The following TTN variants were observed in gnomAD, a reference collection of about 807,000 sequenced individuals.
The protein encoded by TTN is titin, also known as connectin.
In TTN, 1,525 loss-of-function variants were observed where a neutral mutation model predicts 3,223.0. The ratio of observed to expected loss-of-function variants is 0.47; its 90% confidence interval spans 0.45 to 0.49. The LOEUF (loss-of-function observed/expected upper bound fraction) is 0.49, where lower values mean the gene tolerates loss of function less well. TTN is among the 20% of genes least tolerant of loss of function. The pLI, the probability that TTN is intolerant of heterozygous loss-of-function variation, is 0.00. For synonymous variants in TTN, 14,094 were observed against 15,161.0 expected, an observed-to-expected ratio of 0.93 and a Z score of 5.17; for missense variants, 40,786 against 43,424.0, an observed-to-expected ratio of 0.94 and a Z score of 5.40.
Position 178,549,073 on chromosome 2 carries a change from C to T in TTN, c.92553G>A (p.Met30851Ile), listed in dbSNP as rs1233656896. 1 of 1,613,880 alleles carries T rather than the reference C, an allele frequency of 6.2e-7. No homozygotes were observed. The highest frequency in any genetic ancestry group is 2.2e-5 in the East Asian group (1 of 44,858). The change falls in exon 339 of 363, where the codon ATG becomes ATA. Residue 30851 changes from methionine to isoleucine, a missense_variant. Coordinates refer to ENST00000589042, the MANE Select transcript of TTN (RefSeq NM_001267550.2). ...EWSKPVFDGG[M>I]EIIGYIIEMC... ...TTTCAATAATATACCCAATTATTTC[C>T]ATGCCACCATCAAACACTGGTTTGG...
At chr2:178,719,887 T>C in intron 81 of TTN, 55 bp from the exon 82 acceptor site, 10 of 1,556,224 alleles carry the variant, frequency 6.4e-6, no homozygotes, top group African/African-American at 1.4e-5. Flanking sequence ...AACTCAAGAG[T>C]GCAATCACTG....
rs2091293716 is a variant in TTN, at chr2:178,770,429, G to A, written c.8363C>T (p.Ala2788Val). ...CAACTTACTCTCCACGTGCAGTCTG[G>A]CACTGGCTCCAAGCCTTCCAAGCCT... is the stretch of plus-strand genomic sequence containing the variant. ...GFRLGRLGAS[A>V]RLHVETVKII... The change falls in exon 35 of 363, where the codon GCC becomes GTC. Residue 2788 changes from alanine (A) to valine (V), a missense_variant. Coordinates refer to ENST00000589042, the MANE Select transcript of TTN (RefSeq NM_001267550.2). 1.2e-6 allele frequency: 2 copies of A among 1,614,132 alleles called. No homozygotes were observed. Among genetic ancestry groups the A allele is most frequent in the South Asian group, 2.2e-5 (2 of 91,086 alleles).
At position 178,560,016 on chromosome 2, in the gene TTN, G is replaced by T; in HGVS notation, c.86116C>A (p.Arg28706=). ...TDWKTSIQSL[R]GTEYTISGLT... ...CCGCTTATTGTATATTCTGTCCCTC[G>T]TAAGCTCTGAATGGAAGTTTTCCAG... The change falls in exon 326 of 363, where the codon CGA becomes AGA. Residue 28706 remains arginine (R), a synonymous_variant. Transcript: ENST00000589042. 1 of 1,613,636 alleles carries T rather than the reference G, an allele frequency of 6.2e-7. No homozygotes were observed. Among genetic ancestry groups the T allele is most frequent in the Non-Finnish European group, 8.5e-7 (1 of 1,179,790 alleles).
Position 178,589,505 on chromosome 2 carries a change from C to A in TTN, c.62220G>T (p.Glu20740Asp), listed in dbSNP as rs766362512. The change falls in exon 304 of 363, where the codon GAG becomes GAT. Residue 20740 changes from glutamate to aspartate, a missense_variant. Glu to Asp is a conservative substitution (Grantham distance 45, BLOSUM62 2). Coordinates refer to ENST00000589042, the MANE Select transcript of TTN (RefSeq NM_001267550.2). ...VDRCVENQIY[E>D]FRVQTKNEGG... ...CTTCATTCTTTGTTTGCACTCTGAA[C>A]TCATAAATCTGGTTTTCAACACATC... is the stretch of plus-strand genomic sequence containing the variant. 6.2e-7 allele frequency: 1 copy of A among 1,613,436 alleles called. No homozygotes were observed. The highest frequency in any genetic ancestry group is 1.7e-5 in the Admixed American group (1 of 59,966).
rs938587020 is a variant in TTN, at chr2:178,570,630, T to G, written c.75502A>C (p.Ser25168Arg). 3 of 1,613,534 alleles carry G rather than the reference T, an allele frequency of 1.9e-6. No homozygotes were observed. Reference sequence around the variant, plus strand: ...CGTACTGCATCTTTTACACTGAGACTGGTGGCAAAGTCGGTGCTCTTTATT... The same window carrying G: ...CGTACTGCATCTTTTACACTGAGACGGGTGGCAAAGTCGGTGCTCTTTATT... ...LEIKSTDFAT[S>R]LSVKDAVRVD... Residue 25168 changes from serine to arginine, a missense_variant, in exon 326 of 363, where the codon AGT becomes CGT. Ser to Arg is a moderately radical substitution (Grantham distance 110, BLOSUM62 -1). Coordinates refer to ENST00000589042, the MANE Select transcript of TTN (RefSeq NM_001267550.2).
rs778444893 is a variant in TTN, at chr2:178,560,323, T to A, written c.85809A>T (p.Lys28603Asn). 1 of 1,613,778 alleles carries A rather than the reference T, an allele frequency of 6.2e-7. No homozygotes were observed. The highest frequency in any genetic ancestry group is 1.7e-4 in the Middle Eastern group (1 of 6,060). Residue 28603 changes from lysine (K) to asparagine (N), a missense_variant, in exon 326 of 363, where the codon AAA (lysine) becomes AAT (asparagine). Transcript: ENST00000589042. Reference protein sequence around the residue: ...NSLRWVRVNKKPVYDLRVKST... With the variant: ...NSLRWVRVNKNPVYDLRVKST... ...ATTTCACTCTTAGATCATAAACTGG[T>A]TTTTTGTTTACACGCACCCATCTTA...
rs200190671 is a variant in TTN at position 178,652,621 on chromosome 2, A to G, written c.39043+32T>C. On this transcript the variant is annotated intron_variant, in intron 201 of 362. Transcript: ENST00000589042. ...ATATTTTCAAGAGTAGAAGAGATAG[A>G]TCTTCTGACGCTTAAACTCAATGAC... 1.7e-3 allele frequency: 2,792 copies of G among 1,612,572 alleles called. 64 individuals are homozygous for G. In the South Asian group the frequency reaches 0.027, roughly 16 times the overall value.
rs780554316 is a variant in TTN at position 178,543,262 on chromosome 2, A to G, written c.96711T>C (p.Tyr32237=). 3.7e-6 allele frequency: 6 copies of G among 1,613,810 alleles called. No homozygotes were observed. In the South Asian group the frequency reaches 6.6e-5, roughly 18 times the overall value. The stretch of plus-strand genomic sequence containing the variant: ...TGCCAGCTTTGCAGGCCTCGAGAAC[A>G]TATCCAGTGAGTCGGCTACCACCAT... ...LYDGGSRLTG[Y]VLEACKAGTE... The change falls in exon 347 of 363, where the codon TAT becomes TAC. Residue 32237 remains tyrosine (Y), a synonymous_variant. Coordinates refer to ENST00000589042, the MANE Select transcript of TTN (RefSeq NM_001267550.2).
chr2:178,648,262 C>G (rs985312558), intron 213 of TTN, among the ~76,000 whole-genome samples: 1 of 152,112 alleles, frequency 6.6e-6, no homozygotes, highest in African/African-American at 2.4e-5. Context: ...CTGGTATTAT[C>G]TTTCAAGACA....
In TTN at chr2:178,711,058, A is replaced by C; in HGVS notation, c.28174+4T>G. On this transcript the variant is annotated splice_donor_region_variant and intron_variant, in intron 97 of 362. Transcript: ENST00000589042. ...TAGAAATGAAAGTTTAAGAATCCAC[A>C]AACCTGTGAGAATGAGCCTGGCACT... 1 of 1,569,900 alleles carries C rather than the reference A, an allele frequency of 6.4e-7. No homozygotes were observed. The highest frequency in any genetic ancestry group is 8.6e-7 in the Non-Finnish European group (1 of 1,161,296).
At chr2:178,580,925 A>G (rs1197979359) in intron 316 of TTN, 1 of 258,046 alleles carries the variant, frequency 3.9e-6, no homozygotes, top group African/African-American at 2.3e-5. Context: ...GCTCCCTTTC[A>G]TTCTTGTTTT....
Position 178,650,152 on chromosome 2 carries a change from T to A in TTN, c.39817+12A>T. On this transcript the variant is annotated intron_variant, in intron 210 of 362. Coordinates refer to ENST00000589042, the MANE Select transcript of TTN (RefSeq NM_001267550.2). ...GACTGTATTTTCCCATACAGTGGAT[T>A]CTGCTTTGTACCTGCTGGAGGTGGA... 6.4e-7 allele frequency: 1 copy of A among 1,563,488 alleles called. No homozygotes were observed. Among genetic ancestry groups the A allele is most frequent in the Non-Finnish European group, 8.7e-7 (1 of 1,153,212 alleles).
At position 178,581,999 on chromosome 2, in the gene TTN, T is replaced by C; in HGVS notation, c.66370A>G (p.Thr22124Ala). The change falls in exon 315 of 363, where the codon ACC (threonine) becomes GCC (alanine). Residue 22124 changes from threonine (T) to alanine (A), a missense_variant. By Grantham distance (58) the Thr-to-Ala change is moderately conservative. Transcript: ENST00000589042. ...TLKATGLQEGTEYEFRVTAIN... is the reference protein window; with the variant it reads ...TLKATGLQEGAEYEFRVTAIN... ...GCTGTAACACGGAACTCATATTCGG[T>C]ACCTTCTTGAAGACCTGTTGCTTTT... The C allele has an allele frequency of 6.2e-7, 1 of 1,613,346 alleles. No homozygotes were observed. The highest frequency in any genetic ancestry group is 8.5e-7 in the Non-Finnish European group (1 of 1,179,502).
Position 178,532,946 on chromosome 2 carries a change from G to A in TTN, c.103669C>T (p.Gln34557Ter). 1 of 1,613,812 alleles carries A rather than the reference G, an allele frequency of 6.2e-7. No individual in the cohort carries two copies. The highest frequency in any genetic ancestry group is 8.5e-7 in the Non-Finnish European group (1 of 1,179,852). The change falls in exon 358 of 363, where the codon CAA (glutamine) becomes TAA (stop). Residue 34557 changes from glutamine to a stop codon, truncating the protein, a stop_gained. Coordinates refer to ENST00000589042, the MANE Select transcript of TTN (RefSeq NM_001267550.2). LOFTEE classifies it high-confidence loss of function. ...ATGGGCACGAACTGCTTGATGCGTT[G>A]GTCTTCTTCTATGGTAGTCTGCTTA... ...KYKQTTIEEDQRIKQFVPMSD... is the reference protein window; with the variant it reads ...KYKQTTIEED
At position 178,575,545 on chromosome 2, in the gene TTN, G is replaced by A. The variant is rs769113714; in HGVS notation, c.70587C>T (p.Ala23529=). ...EPTETTEPVK[A]SEAPSPPDSL... ...TGTCTGGTGGAGATGGTGCTTCAGA[G>A]GCTTTTACGGGCTCTGTAGTTTCTG... The change falls in exon 326 of 363, where the codon GCC becomes GCT. Residue 23529 remains alanine, a synonymous_variant. Transcript: ENST00000589042. This position sits in a 1 kb window ranked among gnomAD's most constrained non-coding sequence, Gnocchi z 4.0. 1.2e-6 allele frequency: 2 copies of A among 1,613,670 alleles called. No individual in the cohort carries two copies. Among genetic ancestry groups the A allele is most frequent in the Admixed American group, 3.3e-5 (2 of 60,006 alleles).
intron 274 of TTN, 21 bp downstream of exon 274, chr2:178,608,585 T>G: frequency 6.2e-7 from 1 of 1,601,354 alleles, no homozygotes; most frequent in South Asian, 1.1e-5. Flanking sequence ...AGGCAAACTT[T>G]AGATGCCAAA....
In TTN at chr2:178,600,944, C is replaced by T. The variant is rs879244493; in HGVS notation, c.55960G>A (p.Glu18654Lys). ...ACAGCTTTGACTCGGAATTCATATT[C>T]CCCACCCTCTACTAGGTCTTCAACA... ...FTVEDLVEGG[E>K]YEFRVKAVNA... Residue 18654 changes from glutamate to lysine, a missense_variant, in exon 288 of 363, where the codon GAA becomes AAA. Glu to Lys is a moderately conservative substitution (Grantham distance 56, BLOSUM62 1). Transcript: ENST00000589042. 1 of 1,612,854 alleles carries T rather than the reference C, an allele frequency of 6.2e-7. No individual in the cohort carries two copies. Among genetic ancestry groups the T allele is most frequent in the African/African-American group, 1.3e-5 (1 of 74,846 alleles).
At chr2:178,631,321 A>G in intron 236 of TTN, 21 bp from the exon 237 acceptor site, 2 of 1,585,176 alleles carry the variant, frequency 1.3e-6, no homozygotes, top group Non-Finnish European at 1.7e-6. Context: ...AGTATAAGTG[A>G]AAAGCTTTTA....
intron 41 of TTN, among the ~76,000 whole-genome samples, chr2:178,765,941 G>A (rs1318920229): frequency 6.6e-6 from 1 of 152,104 alleles, no homozygotes; most frequent in Non-Finnish European, 1.5e-5. Context: ...AGGCTCTCTA[G>A]GCCTTCCAGG....
Sources: allele counts gnomAD v4.1 joint callset (sites outside exome capture counted in the v4.1 genomes callset), GRCh38; gene constraint gnomAD v4.1.1; non-coding constraint Gnocchi (gnomAD v3.1); transcripts MANE v1.5; gene names NCBI Gene and HGNC (gene_info 2026-07-23, HGNC 2026-07-21).